ZNF138: variants seen among roughly 807,000 people sequenced by gnomAD.
The protein encoded by ZNF138 is zinc finger protein 138 (clone pHZ-32).
ZNF138 carries 33 observed loss-of-function variants against 33.0 expected under a neutral mutation model. That is an observed-to-expected ratio of 1.00 (90% CI 0.76 to 1.34). The LOEUF is 1.34. Ranked by LOEUF, ZNF138 falls within the 40% of genes most tolerant of loss-of-function variation. The pLI, the probability that ZNF138 is intolerant of heterozygous loss-of-function variation, is 0.00. For missense variants in ZNF138, 360 were observed against 370.8 expected, an observed-to-expected ratio of 0.97 and a Z score of 0.24; for synonymous variants, 139 against 120.4, an observed-to-expected ratio of 1.15 and a Z score of -1.01.
the ZNF138 span, among the ~76,000 whole-genome samples, chr7:64,839,427 C>A: frequency 2.5e-3 from 373 of 152,174 alleles, 3 homozygotes; most frequent in African/African-American, 8.5e-3. Flanking sequence ...GCTCCTGGAG[C>A]CTCGGATCGG....
At position 64,801,381 on chromosome 7, in the gene ZNF138, A is replaced by G. The variant is rs546440006; in HGVS notation, c.3+6810A>G. ...GCTGTACTTTGTTCTCATTTGTTTC[A>G]AAGAGCTTTTTGATTTTGCCTTAAT... On this transcript the variant is annotated intron_variant, in intron 1 of 3. Coordinates refer to ENST00000307355, the MANE Select transcript of ZNF138 (RefSeq NM_001271639.2). Among the ~76,000 whole-genome samples the G allele has an allele frequency of 2.4e-3, 368 of 152,258 alleles. 5 individuals are homozygous for G. Among genetic ancestry groups the G allele is most frequent in the African/African-American group, 8.5e-3 (353 of 41,552 alleles).
the ZNF138 span, among the ~76,000 whole-genome samples, chr7:64,846,586 G>A: frequency 6.6e-6 from 1 of 152,184 alleles, no homozygotes; most frequent in Admixed American, 6.5e-5. Flanking sequence ...GTATATAGCA[G>A]AGCTACTGAT....
intron 1 of ZNF138, among the ~76,000 whole-genome samples, chr7:64,814,305 A>T (rs981760304): frequency 1.2e-4 from 19 of 152,170 alleles, no homozygotes; most frequent in African/African-American, 4.6e-4. Context: ...CACACAACTT[A>T]TTCTGTATGA....
the ZNF138 span, among the ~76,000 whole-genome samples, chr7:64,846,249 T>C: frequency 1.3e-5 from 2 of 152,210 alleles, no homozygotes; most frequent in Non-Finnish European, 2.9e-5. Context: ...ATGTAAGCTC[T>C]TTTTTGGTTC....
At chr7:64,860,369 A>G in the ZNF138 span, among the ~76,000 whole-genome samples, 1 of 152,112 alleles carries the variant, frequency 6.6e-6, no homozygotes, top group Non-Finnish European at 1.5e-5. Flanking sequence ...TTAATCACTA[A>G]ATCTTATTTC....
At chr7:64,840,307 T>C in the ZNF138 span, among the ~76,000 whole-genome samples, 193 of 152,102 alleles carry the variant, frequency 1.3e-3, no homozygotes, top group Non-Finnish European at 5.6e-4. Flanking sequence ...ATGGTAACAA[T>C]AGACTATTTG....
chr7:64,853,143 T>C, the ZNF138 span: 1 of 1,477,006 alleles, frequency 6.8e-7, no homozygotes. Flanking sequence ...CTCAAAGGAA[T>C]GACAAGTATC....
intron 3 of ZNF138, among the ~76,000 whole-genome samples, chr7:64,823,459 C>T (rs1697215752): frequency 6.6e-6 from 1 of 152,100 alleles, no homozygotes; most frequent in Admixed American, 6.5e-5. Flanking sequence ...CCTCAGCCTC[C>T]TGAGTAGCTG....
At chr7:64,806,393 G>C (rs998142206) in intron 1 of ZNF138, among the ~76,000 whole-genome samples, 2 of 152,090 alleles carry the variant, frequency 1.3e-5, no homozygotes, top group Non-Finnish European at 2.9e-5. Context: ...AGACCATGGG[G>C]CCCAGAAACC....
chr7:64,806,123 A>T (rs530200113), intron 1 of ZNF138, among the ~76,000 whole-genome samples: 1 of 152,224 alleles, frequency 6.6e-6, no homozygotes, highest in African/African-American at 2.4e-5. Flanking sequence ...ATAACCACAT[A>T]TAATATAAAC....
chr7:64,844,728 C>A, the ZNF138 span, among the ~76,000 whole-genome samples: 1 of 151,728 alleles, frequency 6.6e-6, no homozygotes, highest in Non-Finnish European at 1.5e-5. Context: ...GCTGTGTCAC[C>A]CAGGCTGGAG....
At chr7:64,812,656 T>TA (rs1415372235) in intron 1 of ZNF138, among the ~76,000 whole-genome samples, 2 of 152,104 alleles carry the variant, frequency 1.3e-5, no homozygotes, top group African/African-American at 4.8e-5. Flanking sequence ...TCTCTTCTGT[T>TA]ATAAAGGAAA....
chr7:64,803,323 A>G lies in ZNF138; in HGVS notation c.3+8752A>G, dbSNP rs114101259. 8.5e-3 allele frequency among the ~76,000 whole-genome samples: 1,282 copies of G among 150,554 alleles called. 14 individuals are homozygous for G. Among genetic ancestry groups the G allele is most frequent in the African/African-American group, 0.03 (1,217 of 40,958 alleles). ...GGTAGACACAGATTTGTTTAGATTAAAGCTCATTTTAAGAGCACACAAAAG... is the reference window on the plus strand; with the variant it reads ...GGTAGACACAGATTTGTTTAGATTAGAGCTCATTTTAAGAGCACACAAAAG... On this transcript the variant is annotated intron_variant, in intron 1 of 3. Coordinates refer to ENST00000307355, the MANE Select transcript of ZNF138 (RefSeq NM_001271639.2).
At chr7:64,833,834 C>T (rs911546262), downstream of ZNF138, among the ~76,000 whole-genome samples, 4 of 152,148 alleles carry the variant, frequency 2.6e-5, no homozygotes, top group Admixed American at 6.5e-5. Context: ...AAGCAATTCT[C>T]CTGCCTGGGC....
intron 1 of ZNF138, among the ~76,000 whole-genome samples, chr7:64,807,817 A>G (rs898103480): frequency 1.3e-5 from 2 of 152,210 alleles, no homozygotes; most frequent in Admixed American, 1.3e-4. Flanking sequence ...TGTAAATAGA[A>G]TCTGATGGCA....
At chr7:64,853,188 A>C in the ZNF138 span, 1 of 1,594,784 alleles carries the variant, frequency 6.3e-7, no homozygotes, top group Non-Finnish European at 8.6e-7. Context: ...AAAGGCTCCC[A>C]GAAACTGCTC....
At chr7:64,807,129 G>A (rs965144484) in intron 1 of ZNF138, among the ~76,000 whole-genome samples, 9 of 152,226 alleles carry the variant, frequency 5.9e-5, no homozygotes, top group Non-Finnish European at 1.2e-4. Flanking sequence ...TCCTTAATCT[G>A]ATATCTATAG....
chr7:64,805,418 A>AAC (rs772671539), intron 1 of ZNF138, among the ~76,000 whole-genome samples: 6 of 149,990 alleles, frequency 4.0e-5, no homozygotes, highest in Non-Finnish European at 8.8e-5. Flanking sequence ...AAACAAAAAA[A>AAC]AAAACTGAGG....
At chr7:64,804,333 A>G in intron 1 of ZNF138, among the ~76,000 whole-genome samples, 1 of 152,092 alleles carries the variant, frequency 6.6e-6, no homozygotes, top group Non-Finnish European at 1.5e-5. Flanking sequence ...GCCCCCAGTC[A>G]TGTACCCCCT....
Sources: gnomAD v4.1 joint callset for allele counts (sites outside exome capture counted in the v4.1 genomes callset) on GRCh38, gnomAD v4.1.1 for gene constraint, MANE v1.5 for transcripts, NCBI Gene and HGNC (gene_info 2026-07-23, HGNC 2026-07-21) for gene names.